Variants in SLAMF1 observed in about 807,000 individuals in gnomAD.
SLAMF1 encodes the protein signaling lymphocytic activation molecule.
SLAMF1 carries 18 observed loss-of-function variants against 35.1 expected under a neutral mutation model. The ratio of observed to expected loss-of-function variants is 0.51; its 90% confidence interval spans 0.35 to 0.76. The LOEUF (loss-of-function observed/expected upper bound fraction) is 0.76, where lower values mean the gene tolerates loss of function less well. SLAMF1 is among the 30% of genes least tolerant of loss of function. The pLI is 0.01. For missense variants in SLAMF1, 392 were observed against 413.0 expected (o/e 0.95, Z 0.44); for synonymous variants, 168 against 157.2 (o/e 1.07, Z -0.51).
rs148391113 is a variant in SLAMF1 at position 160,610,436 on chromosome 1, C to G, written c.*312G>C. 8.2e-6 allele frequency: 4 copies of G among 489,078 alleles called. No homozygotes were observed. The highest frequency in any genetic ancestry group is 1.6e-5 in the Non-Finnish European group (4 of 251,114). The allele number at this position is 489,078 out of a possible 1,614,324, so 30.3% of individuals were successfully genotyped here. A position where few individuals can be genotyped will look rare whatever the true frequency, so the allele number is the denominator to read the frequency against. On this transcript the variant is annotated 3_prime_UTR_variant, in exon 7 of 7. Coordinates refer to ENST00000302035, the MANE Select transcript of SLAMF1 (RefSeq NM_003037.5). ...TTTATTATCCAGTTCCAGCCAAGAG[C>G]AAGATGCCCAAAGTCTGAACTCACA...
rs753572141 is a variant in SLAMF1, at chr1:160,642,613, A to G, written c.76+4257T>C. On this transcript the variant is annotated intron_variant, in intron 1 of 6. Coordinates refer to ENST00000302035, the MANE Select transcript of SLAMF1 (RefSeq NM_003037.5). The surrounding 1 kb of genome is among the most constrained non-coding windows in gnomAD (Gnocchi z 4.2). ...TGTTGCCCAAGTGAATTAATAAAAC[A>G]GAATGGGATGAATGAAAAATGAGCA... Among the ~76,000 whole-genome samples the G allele has an allele frequency of 6.6e-6, 1 of 152,250 alleles. No homozygotes were observed. The highest frequency in any genetic ancestry group is 1.5e-5 in the Non-Finnish European group (1 of 68,036).
rs147294452 is a variant in SLAMF1 at position 160,614,039 on chromosome 1, G to C, written c.865-1459C>G. ...AAGATCTGGAGCAGGGCCTGATTCT[G>C]CATTTCTAATAAAGTCCCAGGTGAT... On this transcript the variant is annotated intron_variant, in intron 5 of 6. Coordinates refer to ENST00000302035, the MANE Select transcript of SLAMF1 (RefSeq NM_003037.5). Among the ~76,000 whole-genome samples, 620 of 152,292 alleles carry C rather than the reference G, an allele frequency of 4.1e-3. 6 individuals carry two copies. Among genetic ancestry groups the C allele is most frequent in the African/African-American group, 0.014 (597 of 41,562 alleles).
intron 1 of SLAMF1, among the ~76,000 whole-genome samples, chr1:160,639,996 A>T (rs1660653933): frequency 6.6e-6 from 1 of 151,958 alleles, no homozygotes; most frequent in Admixed American, 6.6e-5. Flanking sequence ...TCATTCTTTC[A>T]CTTTATTTTA....
chr1:160,623,638 G>C (rs752276538), intron 4 of SLAMF1: 1 of 398,678 alleles, frequency 2.5e-6, no homozygotes, highest in Admixed American at 4.4e-5. Context: ...ATTTGGAAGA[G>C]AGGACAGGGG....
chr1:160,617,453 A>G (rs1359565540), intron 5 of SLAMF1, among the ~76,000 whole-genome samples: 1 of 152,164 alleles, frequency 6.6e-6, no homozygotes, highest in Non-Finnish European at 1.5e-5. Context: ...GGATAAATAA[A>G]CTCTAGTATA....
chr1:160,624,543 C>A (rs373012587), intron 3 of SLAMF1, among the ~76,000 whole-genome samples: 2 of 152,188 alleles, frequency 1.3e-5, no homozygotes, highest in South Asian at 4.1e-4. Context: ...TGTCCTGTAT[C>A]CATTTTGGGT....
intron 1 of SLAMF1, 49 bp downstream of exon 1, chr1:160,646,821 T>C (rs1180589512): frequency 9.8e-7 from 1 of 1,025,194 alleles, no homozygotes; most frequent in East Asian, 2.4e-5. Context: ...ATACGCTGAT[T>C]CCTGGCAGCT....
At chr1:160,634,446 T>C in intron 3 of SLAMF1, 167 bp downstream of exon 3, 1 of 970,046 alleles carries the variant, frequency 1.0e-6, no homozygotes, top group Non-Finnish European at 1.2e-6. Flanking sequence ...CCCTGGTCAA[T>C]ATGAGAGTGA....
intron 3 of SLAMF1, among the ~76,000 whole-genome samples, chr1:160,628,798 AAGG>A (rs1660013075): frequency 6.6e-6 from 1 of 152,210 alleles, no homozygotes; most frequent in Non-Finnish European, 1.5e-5. Context: ...AATCAAAGGG[AAGG>A]AGAAGTGACC....
intron 1 of SLAMF1, among the ~76,000 whole-genome samples, chr1:160,645,277 T>G (rs1660979519): frequency 6.6e-6 from 1 of 152,240 alleles, no homozygotes; most frequent in Non-Finnish European, 1.5e-5. Context: ...CTGCCCCATT[T>G]GCAAAGCATT....
In SLAMF1 at chr1:160,626,152, C is replaced by T. The variant is rs142960748; in HGVS notation, c.701-1967G>A. Among the ~76,000 whole-genome samples, 416 of 152,268 alleles carry T rather than the reference C, an allele frequency of 2.7e-3. 2 individuals are homozygous for T. Among genetic ancestry groups the T allele is most frequent in the Non-Finnish European group, 4.6e-3 (316 of 68,026 alleles). On this transcript the variant is annotated intron_variant, in intron 3 of 6. Transcript: ENST00000302035. ...TCATTTTAAAAGATAATATTTCTTT[C>T]CAATTTCACTTGAGATTAAAAAAAT...
intron 5 of SLAMF1, among the ~76,000 whole-genome samples, chr1:160,613,964 A>G (rs1362498483): frequency 6.6e-6 from 1 of 152,232 alleles, no homozygotes; most frequent in African/African-American, 2.4e-5. Context: ...GACTTTTATT[A>G]TGCATATGAA....
At chr1:160,622,062 T>C (rs1659642752) in intron 4 of SLAMF1, among the ~76,000 whole-genome samples, 1 of 152,098 alleles carries the variant, frequency 6.6e-6, no homozygotes, top group Non-Finnish European at 1.5e-5. Context: ...GTCTTGCAGG[T>C]CAGCTCAGAG....
intron 3 of SLAMF1, among the ~76,000 whole-genome samples, chr1:160,626,359 G>A (rs74880001): frequency 0.016 from 2,419 of 152,152 alleles, 26 homozygotes; most frequent in African/African-American, 0.027. Flanking sequence ...TGACAACGCC[G>A]GCCCTCTCTA....
At chr1:160,618,217 A>G (rs1475829771) in intron 5 of SLAMF1, among the ~76,000 whole-genome samples, 1 of 152,250 alleles carries the variant, frequency 6.6e-6, no homozygotes, top group Non-Finnish European at 1.5e-5. Flanking sequence ...ATATGAAAGT[A>G]TAAAGGAACA....
intron 1 of SLAMF1, among the ~76,000 whole-genome samples, chr1:160,645,582 A>G (rs1403492235): frequency 6.6e-6 from 1 of 152,208 alleles, no homozygotes; most frequent in East Asian, 1.9e-4. Flanking sequence ...TCACTCCATC[A>G]CACCTTACAG....
intron 3 of SLAMF1, among the ~76,000 whole-genome samples, chr1:160,631,266 C>A: frequency 6.6e-6 from 1 of 152,214 alleles, no homozygotes; most frequent in East Asian, 1.9e-4. Flanking sequence ...GGCCACAAAC[C>A]AGCTGTGTGA....
At chr1:160,641,293 A>T (rs1214607705) in intron 1 of SLAMF1, among the ~76,000 whole-genome samples, 1 of 151,942 alleles carries the variant, frequency 6.6e-6, no homozygotes, top group Non-Finnish European at 1.5e-5. Flanking sequence ...AAAAAAGAAT[A>T]AAAAATCCCA....
intron 3 of SLAMF1, among the ~76,000 whole-genome samples, chr1:160,633,986 G>A (rs913081930): frequency 2.6e-5 from 4 of 152,256 alleles, no homozygotes; most frequent in South Asian, 2.1e-4. Flanking sequence ...ATGATGAAGC[G>A]CTGTGCAATT....
Sources: gnomAD v4.1 joint callset for allele counts (sites outside exome capture counted in the v4.1 genomes callset) on GRCh38, gnomAD v4.1.1 for gene constraint, Gnocchi (gnomAD v3.1) non-coding constraint, MANE v1.5 for transcripts, NCBI Gene and HGNC (gene_info 2026-07-23, HGNC 2026-07-21) for gene names.